RASGRP4: variants seen among roughly 807,000 people sequenced by gnomAD.
RASGRP4 encodes RAS guanyl-releasing protein 4.
In RASGRP4, 52 loss-of-function variants were observed where a neutral mutation model predicts 84.4. The observed-to-expected ratio is 0.62, with a 90% CI of 0.49 to 0.78. The LOEUF (loss-of-function observed/expected upper bound fraction) is 0.78. RASGRP4 is among the 30% of genes least tolerant of loss of function. The pLI is 0.00. For synonymous variants in RASGRP4, 356 were observed against 359.1 expected (o/e 0.99, Z 0.10); for missense variants, 760 against 886.9 (o/e 0.86, Z 1.82).
At position 38,426,183 on chromosome 19, in the gene RASGRP4, G is replaced by A. The variant is rs1019820315; in HGVS notation, c.-92C>T. On this transcript the variant is annotated 5_prime_UTR_variant, in exon 1 of 17. Coordinates refer to ENST00000615439, the MANE Select transcript of RASGRP4 (RefSeq NM_170604.3). ...AGGACTCCAGCTTCTCAGCCCCTAG[G>A]GAGCTGGGGCCTCCTCGGTGCTTGG... 147 of 1,071,034 alleles carry A rather than the reference G, an allele frequency of 1.4e-4. No individual in the cohort carries two copies. Among genetic ancestry groups the A allele is most frequent in the Non-Finnish European group, 1.7e-4 (137 of 826,810 alleles). 66.3% of individuals were successfully genotyped at this position (1,071,034 alleles called of 1,614,324 possible). A position where few individuals can be genotyped will look rare whatever the true frequency, so the allele number is the denominator to read the frequency against.
At chr19:38,420,035 G>A (rs1480635566) in intron 5 of RASGRP4, 22 bp from the exon 6 acceptor site, 3 of 1,612,104 alleles carry the variant, frequency 1.9e-6, no homozygotes, top group Non-Finnish European at 2.5e-6. Context: ...GAGGGGCAGG[G>A]TATTGGAGTG....
Position 38,411,355 on chromosome 19 carries a change from G to A in RASGRP4, c.1707C>T (p.Tyr569=). Residue 569 remains tyrosine, a synonymous_variant, in exon 14 of 17, where the codon TAC becomes TAT. Transcript: ENST00000615439. Reference sequence around the variant, plus strand: ...TGACACCCCACTCACCCCGACAGCGGTAGCCTTGCTTGGTGACACCCCAGA... The same window carrying A: ...TGACACCCCACTCACCCCGACAGCGATAGCCTTGCTTGGTGACACCCCAGA... The part of the protein sequence containing the change: ...GFLWGVTKQG[Y]RCRECGLCCH... The A allele has an allele frequency of 6.3e-7, 1 of 1,596,374 alleles. No homozygotes were observed.
rs1369635337 is a variant in RASGRP4 at position 38,418,226 on chromosome 19, A to T, written c.837+165T>A. ...CGCGGTGACATCAAGGCCAAAGAAGAAGTTACGGTCCTTGGTTGGAATGCC... is the reference window on the plus strand; with the variant it reads ...CGCGGTGACATCAAGGCCAAAGAAGTAGTTACGGTCCTTGGTTGGAATGCC... On this transcript the variant is annotated intron_variant, in intron 7 of 16. Transcript: ENST00000615439. The surrounding 1 kb of genome is among the most constrained non-coding windows in gnomAD (Gnocchi z 4.6). Among the ~76,000 whole-genome samples, 1 of 151,662 alleles carries T rather than the reference A, an allele frequency of 6.6e-6. No individual in the cohort carries two copies. Among genetic ancestry groups the T allele is most frequent in the Non-Finnish European group, 1.5e-5 (1 of 67,914 alleles).
intron 1 of RASGRP4, among the ~76,000 whole-genome samples, chr19:38,425,196 C>CAA (rs537638920): frequency 1.0e-4 from 13 of 130,534 alleles, no homozygotes; most frequent in African/African-American, 3.0e-4. Flanking sequence ...AAAAAAAAAA[C>CAA]AAAAAAAAAA....
At chr19:38,416,445 A>G (rs1429501618) in intron 8 of RASGRP4, among the ~76,000 whole-genome samples, 1 of 144,270 alleles carries the variant, frequency 6.9e-6, no homozygotes, top group East Asian at 2.0e-4. Flanking sequence ...CCTGGGCGAC[A>G]AGAGCGAGAC....
At position 38,413,314 on chromosome 19, in the gene RASGRP4, G is replaced by A. The variant is rs1397891449; in HGVS notation, c.1312-17C>T. The A allele has an allele frequency of 1.2e-6, 2 of 1,609,856 alleles. No homozygotes were observed. The highest frequency in any genetic ancestry group is 3.3e-5 in the Admixed American group (2 of 59,930). ...GGAGGGTGGCTGGGGCGGGGACAGA[G>A]GAGCACAGTTAGTCACTGCATAGGC... On this transcript the variant is annotated splice_polypyrimidine_tract_variant and intron_variant, in intron 10 of 16. Transcript: ENST00000615439. This position sits in a 1 kb window ranked among gnomAD's most constrained non-coding sequence, Gnocchi z 4.7.
At position 38,410,989 on chromosome 19, in the gene RASGRP4, T is replaced by C; in HGVS notation, c.1862A>G (p.Glu621Gly). The change falls in exon 16 of 17, where the codon GAA becomes GGA. Residue 621 changes from glutamate (E) to glycine (G), a missense_variant. Physicochemically the swap from Glu to Gly is moderately conservative, Grantham distance 98. Coordinates refer to ENST00000615439, the MANE Select transcript of RASGRP4 (RefSeq NM_170604.3). ...PAPHASCGSE[E>G]NHSYTLSLEP... The stretch of plus-strand genomic sequence containing the variant: ...CAGGGATAGCGTGTAGGAGTGATTT[T>C]CCTCGGAGCCTGTTTGTGGGTGGAT... The C allele has an allele frequency of 8.1e-6, 13 of 1,602,944 alleles. No individual in the cohort carries two copies. The highest frequency in any genetic ancestry group is 1.1e-5 in the Non-Finnish European group (13 of 1,174,892).
chr19:38,417,019 A>C lies in RASGRP4; in HGVS notation c.954+33T>G. 1.5e-6 allele frequency: 2 copies of C among 1,305,586 alleles called. No homozygotes were observed. Among genetic ancestry groups the C allele is most frequent in the South Asian group, 2.5e-5 (2 of 79,252 alleles). The allele number at this position is 1,305,586 out of a possible 1,614,324, so 80.9% of individuals were successfully genotyped here. On this transcript the variant is annotated intron_variant, in intron 8 of 16. Coordinates refer to ENST00000615439, the MANE Select transcript of RASGRP4 (RefSeq NM_170604.3). This position sits in a 1 kb window ranked among gnomAD's most constrained non-coding sequence, Gnocchi z 5.1. ...GTGTGGGGGCTCAAGACAGCTGACC[A>C]CTTGGAGCTTTGGGGAGGGTAGTGG...
intron 9 of RASGRP4, 79 bp downstream of exon 9, chr19:38,414,769 C>T (rs984706214): frequency 2.8e-6 from 4 of 1,409,016 alleles, no homozygotes; most frequent in Non-Finnish European, 3.8e-6. Flanking sequence ...TATCCTGGTC[C>T]TGGAGACACT....
Position 38,413,229 on chromosome 19 carries a change from C to A in RASGRP4, c.1380G>T (p.Arg460Ser). ...WAPGVTPKPDRVTLGRHVEQL... is the reference protein window; with the variant it reads ...WAPGVTPKPDSVTLGRHVEQL... ...GCTCCACATGCCGACCCAGTGTGACCCTGTCCGGCTTGGGTGTCACACCAG... is the reference window on the plus strand; with the variant it reads ...GCTCCACATGCCGACCCAGTGTGACACTGTCCGGCTTGGGTGTCACACCAG... The change falls in exon 11 of 17, where the codon AGG (arginine) becomes AGT (serine). Residue 460 changes from arginine to serine, a missense_variant. Physicochemically the swap from Arg to Ser is moderately radical, Grantham distance 110. Transcript: ENST00000615439. This position sits in a 1 kb window ranked among gnomAD's most constrained non-coding sequence, Gnocchi z 4.7. The A allele has an allele frequency of 6.2e-7, 1 of 1,613,786 alleles. No individual in the cohort carries two copies. The highest frequency in any genetic ancestry group is 1.7e-5 in the Admixed American group (1 of 60,014).
In RASGRP4 at chr19:38,418,277, C is replaced by T. The variant is rs1424193212; in HGVS notation, c.837+114G>A. On this transcript the variant is annotated intron_variant, in intron 7 of 16. Transcript: ENST00000615439. This position sits in a 1 kb window ranked among gnomAD's most constrained non-coding sequence, Gnocchi z 4.6. Reference sequence around the variant, plus strand: ...CAGGCTGTGGCCTCGGGGGCGGGGCCGGGAGATGCGTGACGTCACCGCCGG... The same window carrying T: ...CAGGCTGTGGCCTCGGGGGCGGGGCTGGGAGATGCGTGACGTCACCGCCGG... 13 of 1,102,444 alleles carry T rather than the reference C, an allele frequency of 1.2e-5. No homozygotes were observed. The African/African-American group carries it at 1.4e-4, about 12-fold the overall frequency. The allele number at this position is 1,102,444 out of a possible 1,614,324, so 68.3% of individuals were successfully genotyped here. A position where few individuals can be genotyped will look rare whatever the true frequency, so the allele number is the denominator to read the frequency against.
Position 38,413,290 on chromosome 19 carries a change from G to A in RASGRP4, c.1319C>T (p.Ser440Phe), listed in dbSNP as rs769743830. ...EPRCPKSLPP[S>F]PFNAPLVVEW... ...CACCACCAGAGGTGCATTGAAGGGG[G>A]AGGGTGGCTGGGGCGGGGACAGAGG... The change falls in exon 11 of 17, where the codon TCC becomes TTC. Residue 440 changes from serine (S) to phenylalanine (F), a missense_variant. Ser to Phe is a radical substitution (Grantham distance 155). Transcript: ENST00000615439. This position sits in a 1 kb window ranked among gnomAD's most constrained non-coding sequence, Gnocchi z 4.7. 1.1e-4 allele frequency: 171 copies of A among 1,613,478 alleles called. No homozygotes were observed. Among genetic ancestry groups the A allele is most frequent in the Non-Finnish European group, 1.3e-4 (148 of 1,179,638 alleles).
intron 1 of RASGRP4, among the ~76,000 whole-genome samples, chr19:38,424,499 AAC>A (rs1971902182): frequency 6.6e-6 from 1 of 151,726 alleles, no homozygotes; most frequent in South Asian, 2.1e-4. Context: ...AGCTCATTGT[AAC>A]CTTGAACTCC....
chr19:38,416,714 C>T (rs1971516929), intron 8 of RASGRP4, among the ~76,000 whole-genome samples: 1 of 152,122 alleles, frequency 6.6e-6, no homozygotes, highest in African/African-American at 2.4e-5. Flanking sequence ...TAGGATCTTC[C>T]CAGGGCATCT....
Position 38,410,063 on chromosome 19 carries a change from C to T in RASGRP4, c.1999G>A (p.Ala667Thr). The T allele has an allele frequency of 6.2e-7, 1 of 1,611,862 alleles. No individual in the cohort carries two copies. The highest frequency in any genetic ancestry group is 8.5e-7 in the Non-Finnish European group (1 of 1,178,902). ...GTCTAGGAATCCAGCTTGGAGGATG[C>T]AGTTGATGGTGGGTCCATCACCGGG... ...PCPVMDPPST[A>T]SSKLDS Residue 667 changes from alanine to threonine, a missense_variant, in exon 17 of 17, where the codon GCA becomes ACA. Transcript: ENST00000615439.
At position 38,416,761 on chromosome 19, in the gene RASGRP4, G is replaced by T. The variant is rs185584665; in HGVS notation, c.954+291C>A. 3.9e-3 allele frequency among the ~76,000 whole-genome samples: 596 copies of T among 152,304 alleles called. 4 individuals are homozygous for T. The highest frequency in any genetic ancestry group is 0.013 in the African/African-American group (545 of 41,568). Reference sequence around the variant, plus strand: ...TCCTGCCACTTTCTGACCTCAGCCAGTCCTCCCCATGGGGACTGCAAAGTT... The same window carrying T: ...TCCTGCCACTTTCTGACCTCAGCCATTCCTCCCCATGGGGACTGCAAAGTT... On this transcript the variant is annotated intron_variant, in intron 8 of 16. Coordinates refer to ENST00000615439, the MANE Select transcript of RASGRP4 (RefSeq NM_170604.3).
Position 38,417,947 on chromosome 19 carries a change from G to A in RASGRP4, c.837+444C>T, listed in dbSNP as rs1028963957. On this transcript the variant is annotated intron_variant, in intron 7 of 16. Coordinates refer to ENST00000615439, the MANE Select transcript of RASGRP4 (RefSeq NM_170604.3). The surrounding 1 kb of genome is among the most constrained non-coding windows in gnomAD (Gnocchi z 5.1). ...CGAGAAGGTGTCCGGAAAGGAGGGG[G>A]AAGGGAGGGGAAGAGAAGGGCGTAA... Among the ~76,000 whole-genome samples, 4 of 150,966 alleles carry A rather than the reference G, an allele frequency of 2.6e-5. No individual in the cohort carries two copies. The highest frequency in any genetic ancestry group is 7.3e-5 in the African/African-American group (3 of 41,098).
chr19:38,421,339 ACCT>A (rs1212923502), intron 2 of RASGRP4, 139 bp from the exon 3 acceptor site: 3 of 643,806 alleles, frequency 4.7e-6, no homozygotes, highest in Non-Finnish European at 8.4e-6. Flanking sequence ...AGGCAACCTA[ACCT>A]CCTGTGCCTC....
intron 14 of RASGRP4, 37 bp downstream of exon 14, chr19:38,411,308 C>G: frequency 6.2e-7 from 1 of 1,610,530 alleles, no homozygotes; most frequent in East Asian, 2.2e-5. Flanking sequence ...AGCCTGCGGG[C>G]CAAGGCTTCC....
Sources: gnomAD v4.1 joint callset for allele counts (sites outside exome capture counted in the v4.1 genomes callset) on GRCh38, gnomAD v4.1.1 for gene constraint, Gnocchi (gnomAD v3.1) non-coding constraint, MANE v1.5 for transcripts, NCBI Gene and HGNC (gene_info 2026-07-23, HGNC 2026-07-21) for gene names.